MCC: variants seen among roughly 807,000 people sequenced by gnomAD.
MCC encodes colorectal mutant cancer protein.
Under a neutral mutation model 116.2 loss-of-function variants are expected in MCC, and 90 were observed. The observed-to-expected ratio is 0.77, with a 90% CI of 0.65 to 0.92. The LOEUF is 0.92. Among genes scored for constraint, MCC ranks in the 40% least tolerant of loss-of-function variants. The pLI, the probability that MCC is intolerant of heterozygous loss-of-function variation, is 0.00. For synonymous variants in MCC, 578 were observed against 510.5 expected (o/e 1.13, Z -1.78); for missense variants, 1,516 against 1,312.2 (o/e 1.16, Z -2.40).
intron 15 of MCC, among the ~76,000 whole-genome samples, chr5:113,049,864 G>A (rs956405920): frequency 3.3e-5 from 5 of 152,184 alleles, no homozygotes; most frequent in Non-Finnish European, 5.9e-5. Context: ...CTACTTCTCA[G>A]GGCCCAAATG....
At chr5:113,328,854 C>T (rs1171547099) in intron 3 of MCC, among the ~76,000 whole-genome samples, 1 of 152,120 alleles carries the variant, frequency 6.6e-6, no homozygotes, top group Non-Finnish European at 1.5e-5. Context: ...GGAATAAGAC[C>T]AGGAACCCAT....
chr5:113,233,705 T>A (rs571221107), intron 3 of MCC, among the ~76,000 whole-genome samples: 4 of 152,334 alleles, frequency 2.6e-5, no homozygotes, highest in Non-Finnish European at 4.4e-5. Context: ...AAACATTTAG[T>A]ATTAAATCAA....
chr5:113,033,687 C>G (rs1751118865), intron 17 of MCC, among the ~76,000 whole-genome samples: 1 of 152,092 alleles, frequency 6.6e-6, no homozygotes, highest in African/African-American at 2.4e-5. Context: ...ATACATAATC[C>G]ATTCCTTTTT....
At chr5:113,057,243 G>A (rs1264913542) in intron 14 of MCC, among the ~76,000 whole-genome samples, 1 of 152,168 alleles carries the variant, frequency 6.6e-6, no homozygotes, top group Non-Finnish European at 1.5e-5. Context: ...TTTTCTCTAG[G>A]ATTAGGATGG....
intron 8 of MCC, among the ~76,000 whole-genome samples, chr5:113,089,696 A>G (rs555615195): frequency 2.0e-5 from 3 of 152,332 alleles, no homozygotes; most frequent in Non-Finnish European, 4.4e-5. Flanking sequence ...CTGAATTTTT[A>G]ATTGTATTGT....
chr5:113,066,871 A>C (rs1312545599), intron 13 of MCC, among the ~76,000 whole-genome samples: 1 of 152,170 alleles, frequency 6.6e-6, no homozygotes, highest in Non-Finnish European at 1.5e-5. Context: ...CACACCATCC[A>C]TCTTTGGCTC....
At chr5:113,409,369 T>C (rs998280704) in intron 1 of MCC, among the ~76,000 whole-genome samples, 1 of 152,140 alleles carries the variant, frequency 6.6e-6, no homozygotes, top group Non-Finnish European at 1.5e-5. Flanking sequence ...CTTTTTTTTT[T>C]TAGACAGGGT....
At chr5:113,439,318 C>G (rs1470437451) in intron 1 of MCC, among the ~76,000 whole-genome samples, 1 of 151,546 alleles carries the variant, frequency 6.6e-6, no homozygotes, top group African/African-American at 2.4e-5. Context: ...AAGTGGCTCA[C>G]AAAGGACAAT....
chr5:113,446,977 A>T (rs1412026090), intron 1 of MCC, among the ~76,000 whole-genome samples: 2 of 152,158 alleles, frequency 1.3e-5, no homozygotes, highest in East Asian at 1.9e-4. Context: ...AAAAAATAAG[A>T]TCATTTCTAG....
intron 16 of MCC, chr5:113,048,696 A>G: frequency 6.0e-6 from 2 of 335,284 alleles, no homozygotes; most frequent in Non-Finnish European, 1.1e-5. Flanking sequence ...CTGTGGTTTC[A>G]GGCATCTATG....
At chr5:113,226,335 C>A (rs1763737373) in intron 3 of MCC, among the ~76,000 whole-genome samples, 1 of 152,204 alleles carries the variant, frequency 6.6e-6, no homozygotes, top group African/African-American at 2.4e-5. Flanking sequence ...ATGAATGTAA[C>A]TGGAAAGGCA....
At chr5:113,245,960 T>C (rs1764559433) in intron 3 of MCC, among the ~76,000 whole-genome samples, 1 of 152,214 alleles carries the variant, frequency 6.6e-6, no homozygotes, top group Admixed American at 6.5e-5. Context: ...AGAACAGTAT[T>C]ACTTCAGAGG....
At chr5:113,306,372 C>T (rs886937897) in intron 3 of MCC, among the ~76,000 whole-genome samples, 2 of 152,138 alleles carry the variant, frequency 1.3e-5, no homozygotes, top group South Asian at 4.1e-4. Context: ...TTTCACATTC[C>T]CACTAGCCAT....
At chr5:113,093,802 G>A (rs1755817671) in intron 8 of MCC, among the ~76,000 whole-genome samples, 1 of 152,144 alleles carries the variant, frequency 6.6e-6, no homozygotes, top group African/African-American at 2.4e-5. Context: ...TGGCACCAGA[G>A]TCCTGAGCAG....
chr5:113,367,807 A>C lies in MCC; in HGVS notation c.415+17161T>G, dbSNP rs1055793214. ...TAGGTCAGCATTATCTGGTCATTAGAGTTATCTTGAGTAATGGGCCACCTG... is the reference window on the plus strand; with the variant it reads ...TAGGTCAGCATTATCTGGTCATTAGCGTTATCTTGAGTAATGGGCCACCTG... On this transcript the variant is annotated intron_variant, in intron 2 of 18. Coordinates refer to ENST00000408903, the MANE Select transcript of MCC (RefSeq NM_001085377.2). Among the ~76,000 whole-genome samples the C allele has an allele frequency of 6.6e-5, 10 of 152,200 alleles. No homozygotes were observed. The East Asian group carries it at 1.9e-3, about 29-fold the overall frequency.
chr5:113,350,252 A>T (rs2150381761), intron 2 of MCC, among the ~76,000 whole-genome samples: 1 of 152,266 alleles, frequency 6.6e-6, no homozygotes, highest in Middle Eastern at 3.4e-3. Context: ...CTGAGGAGCA[A>T]AGAGAACAAA....
intron 11 of MCC, 68 bp from the exon 12 acceptor site, chr5:113,071,302 A>G: frequency 6.5e-7 from 1 of 1,540,952 alleles, no homozygotes; most frequent in Non-Finnish European, 8.9e-7. Context: ...CAGTTGTCTC[A>G]TTTATATTCA....
intron 1 of MCC, among the ~76,000 whole-genome samples, chr5:113,409,359 CT>C (rs879482896): frequency 2.4e-4 from 36 of 147,530 alleles, no homozygotes; most frequent in South Asian, 4.3e-4. Flanking sequence ...CTGTTAAATA[CT>C]TTTTTTTTTT....
chr5:113,338,425 G>A (rs562918035), intron 3 of MCC, among the ~76,000 whole-genome samples: 3 of 152,210 alleles, frequency 2.0e-5, no homozygotes, highest in South Asian at 4.1e-4. Flanking sequence ...CCAATCAGGA[G>A]AGACAGGAGA....
Sources: gnomAD v4.1 joint callset for allele counts (sites outside exome capture counted in the v4.1 genomes callset) on GRCh38, gnomAD v4.1.1 for gene constraint, MANE v1.5 for transcripts, NCBI Gene and HGNC (gene_info 2026-07-23, HGNC 2026-07-21) for gene names.